The following PCDHGA2 variants were observed in gnomAD, a reference collection of about 807,000 sequenced individuals.
PCDHGA2 encodes protocadherin gamma-A2.
PCDHGA2 carries 40 observed loss-of-function variants against 59.2 expected under a neutral mutation model. That is an observed-to-expected ratio of 0.68 (90% CI 0.52 to 0.88). PCDHGA2 has a LOEUF of 0.88. Among genes scored for constraint, PCDHGA2 ranks in the 40% least tolerant of loss-of-function variants. The pLI is 0.00. For missense variants in PCDHGA2, 1,226 were observed against 1,204.0 expected (o/e 1.02, Z -0.27); for synonymous variants, 560 against 526.0 (o/e 1.06, Z -0.89).
chr5:141,340,590 C>G lies in PCDHGA2; in HGVS notation c.1619C>G (p.Pro540Arg). 6.2e-7 allele frequency: 1 copy of G among 1,614,238 alleles called. No individual in the cohort carries two copies. The highest frequency in any genetic ancestry group is 8.5e-7 in the Non-Finnish European group (1 of 1,180,040). Residue 540 changes from proline to arginine, a missense_variant, in exon 1 of 4, where the codon CCT (proline) becomes CGT (arginine). Physicochemically the swap from Pro to Arg is moderately radical, Grantham distance 103. Coordinates refer to ENST00000394576, the MANE Select transcript of PCDHGA2 (RefSeq NM_018915.4). ...VWVIARDSGN[P>R]PLSSNVSLSL... ...GTGATAGCGCGGGACAGCGGGAACC[C>G]TCCACTCAGTAGCAATGTATCATTA...
At chr5:141,409,119 C>T (rs1231583978) in intron 1 of PCDHGA2, 8 of 1,613,810 alleles carry the variant, frequency 5.0e-6, no homozygotes, top group Non-Finnish European at 6.8e-6. Flanking sequence ...AATAACCAGT[C>T]ATTTGATTTT....
chr5:141,489,069 C>G lies in PCDHGA2; in HGVS notation c.2425-5738C>G. ...TCAAATTCAGCTCCCCTCCCCCCTGCCCACCCCCGCCACTCGGTGACTAAG... is the reference window on the plus strand; with the variant it reads ...TCAAATTCAGCTCCCCTCCCCCCTGGCCACCCCCGCCACTCGGTGACTAAG... On this transcript the variant is annotated intron_variant, in intron 1 of 3. Coordinates refer to ENST00000394576, the MANE Select transcript of PCDHGA2 (RefSeq NM_018915.4). The surrounding 1 kb of genome is among the most constrained non-coding windows in gnomAD (Gnocchi z 4.5). 6.4e-5 allele frequency: 18 copies of G among 281,056 alleles called. No homozygotes were observed. Among genetic ancestry groups the G allele is most frequent in the Middle Eastern group, 1.1e-3 (1 of 944 alleles). 17.4% of individuals were successfully genotyped at this position (281,056 alleles called of 1,614,324 possible).
chr5:141,409,961 C>G (rs538942740), intron 1 of PCDHGA2: 26 of 1,613,442 alleles, frequency 1.6e-5, no homozygotes, highest in Admixed American at 8.3e-5. Context: ...GCCCGGCTAC[C>G]TAGTGACTAA....
At chr5:141,469,362 G>C (rs915161729) in intron 1 of PCDHGA2, among the ~76,000 whole-genome samples, 14 of 152,084 alleles carry the variant, frequency 9.2e-5, no homozygotes, top group Non-Finnish European at 7.4e-5. Flanking sequence ...GGATCATGAG[G>C]TAAAGAGATC....
chr5:141,360,472 C>G, intron 1 of PCDHGA2: 1 of 1,613,884 alleles, frequency 6.2e-7, no homozygotes, highest in Non-Finnish European at 8.5e-7. Flanking sequence ...CGCTGAAAAT[C>G]CACTAAATAT....
Position 141,395,354 on chromosome 5 carries a change from T to A in PCDHGA2, c.2424+53959T>A, listed in dbSNP as rs375237289. ...ATAATTTTTAAGGTGTATCACAGAG[T>A]TTTGGGTTTATTTTGGTGGTGTTAC... On this transcript the variant is annotated intron_variant, in intron 1 of 3. Coordinates refer to ENST00000394576, the MANE Select transcript of PCDHGA2 (RefSeq NM_018915.4). 28 of 1,357,052 alleles carry A rather than the reference T, an allele frequency of 2.1e-5. No homozygotes were observed. The Middle Eastern group carries it at 1.0e-3, about 51-fold the overall frequency. 84.1% of individuals were successfully genotyped at this position (1,357,052 alleles called of 1,614,324 possible).
chr5:141,389,248 A>G (rs757462176), intron 1 of PCDHGA2: 45 of 1,613,918 alleles, frequency 2.8e-5, no homozygotes, highest in African/African-American at 6.7e-5. Flanking sequence ...CAGTCTTCCT[A>G]TATAGTCCAC....
rs761489686 is a variant in PCDHGA2 at position 141,339,658 on chromosome 5, C to A, written c.687C>A (p.Cys229Ter). The change falls in exon 1 of 4, where the codon TGC becomes TGA. Residue 229 changes from cysteine (C) to a stop codon, truncating the protein, a stop_gained. Transcript: ENST00000394576. LOFTEE classifies it high-confidence loss of function. The stretch of plus-strand genomic sequence containing the variant: ...TGCTATCTGGCACCTCCCGCATCTG[C>A]GTGAAGGTCCTGGATGCGAACGACA... The part of the protein sequence containing the change: ...DPVLSGTSRI[C>*]VKVLDANDNA... 1.2e-6 allele frequency: 2 copies of A among 1,614,170 alleles called. No individual in the cohort carries two copies. The highest frequency in any genetic ancestry group is 1.7e-6 in the Non-Finnish European group (2 of 1,180,032).
rs990487406 is a variant in PCDHGA2, at chr5:141,339,279, T to C, written c.308T>C (p.Leu103Pro). The C allele has an allele frequency of 1.2e-6, 2 of 1,614,272 alleles. No homozygotes were observed. The highest frequency in any genetic ancestry group is 1.7e-6 in the Non-Finnish European group (2 of 1,180,050). ...CTCTGCGCTCAGAGCGCACCCTGTC[T>C]GTTGAATTTTAACATTCTGCTGGAG... ...EELCAQSAPC[L>P]LNFNILLEDK... The change falls in exon 1 of 4, where the codon CTG (leucine) becomes CCG (proline). Residue 103 changes from leucine (L) to proline (P), a missense_variant. Physicochemically the swap from Leu to Pro is moderately conservative, Grantham distance 98. Transcript: ENST00000394576.
chr5:141,394,073 C>T (rs762892708), intron 1 of PCDHGA2: 14 of 1,613,718 alleles, frequency 8.7e-6, no homozygotes, highest in Non-Finnish European at 1.1e-5. Flanking sequence ...TCTACAATAT[C>T]ACAGTGATGG....
At chr5:141,390,051 A>G in intron 1 of PCDHGA2, 1 of 1,613,978 alleles carries the variant, frequency 6.2e-7, no homozygotes, top group Non-Finnish European at 8.5e-7. Context: ...CGCCTCCTGG[A>G]GCTGCTTCCA....
chr5:141,394,855 C>T (rs1201168639), intron 1 of PCDHGA2: 2 of 1,613,778 alleles, frequency 1.2e-6, no homozygotes, highest in African/African-American at 1.3e-5. Context: ...CTGAAGCCTT[C>T]GGTCGACCCG....
chr5:141,489,610 C>G lies in PCDHGA2; in HGVS notation c.2425-5197C>G, dbSNP rs142775705. 3,083 of 1,614,088 alleles carry G rather than the reference C, an allele frequency of 1.9e-3. 6 individuals are homozygous for G. Among genetic ancestry groups the G allele is most frequent in the Non-Finnish European group, 2.4e-3 (2,793 of 1,179,988 alleles). ...GCTAATCCGTGTAGAGGTAGAGATC[C>G]TGGATCTCAATGACAACTCTCCTAG... On this transcript the variant is annotated intron_variant, in intron 1 of 3. Transcript: ENST00000394576. The surrounding 1 kb of genome is among the most constrained non-coding windows in gnomAD (Gnocchi z 4.5).
chr5:141,360,054 G>C, intron 1 of PCDHGA2: 1 of 1,445,180 alleles, frequency 6.9e-7, no homozygotes. Flanking sequence ...AACAAAAGCA[G>C]GAAAAGTGAC....
Position 141,341,356 on chromosome 5 carries a change from A to G in PCDHGA2, c.2385A>G (p.Gln795=). 6.2e-7 allele frequency: 1 copy of G among 1,614,262 alleles called. No individual in the cohort carries two copies. Among genetic ancestry groups the G allele is most frequent in the Non-Finnish European group, 8.5e-7 (1 of 1,180,054 alleles). ...CEKKDFLSAP[Q]SLLEEEREET... is the part of the protein sequence containing the mutation. ...AAAAGGATTTTTTATCAGCGCCTCAATCTCTACTCGAAGAAGAAAGAGAAG... is the reference window on the plus strand; with the variant it reads ...AAAAGGATTTTTTATCAGCGCCTCAGTCTCTACTCGAAGAAGAAAGAGAAG... The change falls in exon 1 of 4, where the codon CAA becomes CAG. Residue 795 remains glutamine (Q), a synonymous_variant. Transcript: ENST00000394576.
At chr5:141,346,093 C>T in intron 1 of PCDHGA2, 13 of 1,613,786 alleles carry the variant, frequency 8.1e-6, no homozygotes, top group South Asian at 1.1e-5. Context: ...CCCAACGATT[C>T]GGACCTCACT....
chr5:141,485,431 C>G lies in PCDHGA2; in HGVS notation c.2425-9376C>G, dbSNP rs1594481071. ...ATTTGGACAGCGGAGCCCTGCTCAT[C>G]AAGAACCCAATCGACCGAGAGGCAC... On this transcript the variant is annotated intron_variant, in intron 1 of 3. Coordinates refer to ENST00000394576, the MANE Select transcript of PCDHGA2 (RefSeq NM_018915.4). The surrounding 1 kb of genome is among the most constrained non-coding windows in gnomAD (Gnocchi z 5.7). 8.7e-6 allele frequency: 14 copies of G among 1,614,198 alleles called. No homozygotes were observed. Among genetic ancestry groups the G allele is most frequent in the Non-Finnish European group, 1.1e-5 (13 of 1,180,038 alleles).
intron 1 of PCDHGA2, among the ~76,000 whole-genome samples, chr5:141,362,956 G>A (rs1040793401): frequency 1.3e-5 from 2 of 152,180 alleles, no homozygotes; most frequent in Middle Eastern, 3.2e-3. Flanking sequence ...TTTGGAAATT[G>A]GGAAACAAAG....
chr5:141,394,624 T>A (rs542816387), intron 1 of PCDHGA2: 6 of 1,612,992 alleles, frequency 3.7e-6, no homozygotes, highest in Non-Finnish European at 5.1e-6. Flanking sequence ...AACGCCTGGC[T>A]GTCCTACCGC....
Sources: allele counts gnomAD v4.1 joint callset (sites outside exome capture counted in the v4.1 genomes callset), GRCh38; gene constraint gnomAD v4.1.1; non-coding constraint Gnocchi (gnomAD v3.1); transcripts MANE v1.5; gene names NCBI Gene and HGNC (gene_info 2026-07-23, HGNC 2026-07-21).